The following NAALAD2 variants were observed in gnomAD, a reference collection of about 807,000 sequenced individuals.
The protein encoded by NAALAD2 is N-acetylated alpha-linked acidic dipeptidase 2, also known as N-acetylated-alpha-linked acidic dipeptidase 2.
In NAALAD2, 89 loss-of-function variants were observed where a neutral mutation model predicts 95.6. The observed-to-expected ratio is 0.93, with a 90% CI of 0.78 to 1.11. NAALAD2 has a LOEUF of 1.11. Ranked by LOEUF, NAALAD2 falls within the 50% of genes least tolerant of loss-of-function variation. The pLI, the probability that NAALAD2 is intolerant of heterozygous loss-of-function variation, is 0.00. For synonymous variants in NAALAD2, 264 were observed against 294.4 expected, an observed-to-expected ratio of 0.90 and a Z score of 1.06; for missense variants, 894 against 872.4, an observed-to-expected ratio of 1.02 and a Z score of -0.31.
chr11:90,169,193 G>T, intron 12 of NAALAD2: 1 of 456,334 alleles, frequency 2.2e-6, no homozygotes, highest in Non-Finnish European at 3.8e-6. Flanking sequence ...GGATTCATAT[G>T]AATTGATATG....
rs771280658 is a variant in NAALAD2, at chr11:90,147,403, TG to T, written c.270del (p.Trp90Ter). The T allele has an allele frequency of 6.2e-7, 1 of 1,614,048 alleles. No individual in the cohort carries two copies. The highest frequency in any genetic ancestry group is 8.5e-7 in the Non-Finnish European group (1 of 1,179,984). ...FLLAKKIQTQ[W>X]KKFGLDSAKL... ...GCTTGCCAAGAAAATCCAAACCCAG[TG>T]GAAGAAATTTGGACTAGATTCAGCC... is the stretch of plus-strand genomic sequence containing the variant. On this transcript the variant is annotated frameshift_variant, in exon 3 of 19. Transcript: ENST00000534061. LOFTEE classifies it high-confidence loss of function.
chr11:90,177,199 G>T (rs1055042464), intron 15 of NAALAD2, among the ~76,000 whole-genome samples: 2 of 151,950 alleles, frequency 1.3e-5, no homozygotes, highest in African/African-American at 2.4e-5. Context: ...TATTCATAAT[G>T]GTACCTTAAT....
rs1951708618 is a variant in NAALAD2, at chr11:90,144,744, A to AAAAAAAAAC, written c.195-2578_195-2577insCAAAAAAAA. On this transcript the variant is annotated intron_variant, in intron 2 of 18. Coordinates refer to ENST00000534061, the MANE Select transcript of NAALAD2 (RefSeq NM_005467.4). ...GCAACAAGAGCAAAACTCCATTAAA[A>AAAAAAAAAC]AAAAAAAAAAACGGAAAAGAAAGAC... Among the ~76,000 whole-genome samples, 3 of 150,562 alleles carry AAAAAAAAAC rather than the reference A, an allele frequency of 2.0e-5. 1 individual carries two copies. Among genetic ancestry groups the AAAAAAAAAC allele is most frequent in the South Asian group, 2.1e-4 (1 of 4,734 alleles).
intron 11 of NAALAD2, among the ~76,000 whole-genome samples, chr11:90,168,557 C>A (rs1162122691): frequency 6.6e-6 from 1 of 152,148 alleles, no homozygotes; most frequent in African/African-American, 2.4e-5. Flanking sequence ...CACTTTTAGC[C>A]TCACTGTGAG....
intron 18 of NAALAD2, among the ~76,000 whole-genome samples, chr11:90,186,523 G>T (rs1278881770): frequency 6.6e-6 from 1 of 151,516 alleles, no homozygotes; most frequent in Non-Finnish European, 1.5e-5. Context: ...ATGATTTATA[G>T]TCCTTTGGGT....
At chr11:90,147,600 A>T in intron 3 of NAALAD2, 84 bp downstream of exon 3, 1 of 1,244,780 alleles carries the variant, frequency 8.0e-7, no homozygotes, top group Non-Finnish European at 1.1e-6. Context: ...TAAAAGTAGA[A>T]ATTTGTTAAT....
chr11:90,172,470 TG>T (rs1338055481), intron 13 of NAALAD2, among the ~76,000 whole-genome samples: 1 of 152,132 alleles, frequency 6.6e-6, no homozygotes. Context: ...TCTAAATAAG[TG>T]GGGTGAGATT....
Position 90,162,952 on chromosome 11 carries a change from G to C in NAALAD2, c.993G>C (p.Lys331Asn). 1 of 1,489,400 alleles carries C rather than the reference G, an allele frequency of 6.7e-7. No individual in the cohort carries two copies. Among genetic ancestry groups the C allele is most frequent in the Non-Finnish European group, 9.2e-7 (1 of 1,083,340 alleles). 92.3% of individuals were successfully genotyped at this position (1,489,400 alleles called of 1,614,324 possible). Residue 331 changes from lysine to asparagine, a missense_variant, in exon 9 of 19, where the codon AAG becomes AAC. Lys to Asn is a moderately conservative substitution (Grantham distance 94, BLOSUM62 0). Coordinates refer to ENST00000534061, the MANE Select transcript of NAALAD2 (RefSeq NM_005467.4). ...TTTATTCCTTTTAAAATTCTAGGAA[G>C]GTTAGAATGCATGTTTATAACATCA... The part of the protein sequence containing the change: ...PGFTGSDSFR[K>N]VRMHVYNINK...
Position 90,159,357 on chromosome 11 carries a change from AT to A in NAALAD2, c.989+21del. The A allele has an allele frequency of 6.4e-7, 1 of 1,558,794 alleles. No homozygotes were observed. The highest frequency in any genetic ancestry group is 1.1e-5 in the South Asian group (1 of 88,732). On this transcript the variant is annotated intron_variant, in intron 8 of 18. Coordinates refer to ENST00000534061, the MANE Select transcript of NAALAD2 (RefSeq NM_005467.4). ...TTTCAGGTAATTTTGCATTACTTTA[AT>A]AGTCTGAAAAAGTTTTATATTTTTA...
At chr11:90,164,031 T>C (rs1952370716) in intron 11 of NAALAD2, 1 of 288,004 alleles carries the variant, frequency 3.5e-6, no homozygotes, top group Admixed American at 4.8e-5. Context: ...TAAGATGTTC[T>C]ATTAAGATGG....
At chr11:90,155,922 G>T (rs1952105118) in intron 6 of NAALAD2, among the ~76,000 whole-genome samples, 1 of 141,978 alleles carries the variant, frequency 7.0e-6, no homozygotes, top group African/African-American at 2.6e-5. Context: ...TAATATATAT[G>T]TAATGTATAT....
rs371361391 is a variant in NAALAD2, at chr11:90,138,637, C to T, written c.194+2967C>T. Among the ~76,000 whole-genome samples the T allele has an allele frequency of 1.8e-4, 27 of 150,898 alleles. 1 individual carries two copies. In the East Asian group the frequency reaches 4.5e-3, roughly 25 times the overall value. On this transcript the variant is annotated intron_variant, in intron 2 of 18. Coordinates refer to ENST00000534061, the MANE Select transcript of NAALAD2 (RefSeq NM_005467.4). ...GTACTGGTTTAGAAGTATTCATCTC[C>T]ATCAAATCGTCTTCTGTTAATTTTT...
chr11:90,181,456 A>G (rs1205050008), intron 16 of NAALAD2, among the ~76,000 whole-genome samples, 164 bp from the exon 17 acceptor site: 2 of 152,044 alleles, frequency 1.3e-5, no homozygotes, highest in African/African-American at 4.8e-5. Context: ...AAACAATATT[A>G]CTTTGTTATA....
chr11:90,158,888 C>T (rs1416328905), intron 7 of NAALAD2: 2 of 238,784 alleles, frequency 8.4e-6, no homozygotes, highest in Admixed American at 1.1e-4. Flanking sequence ...CATTTCTTCT[C>T]CTTAATGCAG....
chr11:90,142,167 G>A (rs1242208371), intron 2 of NAALAD2, among the ~76,000 whole-genome samples: 1 of 152,042 alleles, frequency 6.6e-6, no homozygotes, highest in Non-Finnish European at 1.5e-5. Context: ...ATGATCATAT[G>A]ATTTTTCTTT....
rs757973564 is a variant in NAALAD2 at position 90,191,579 on chromosome 11, T to C, written c.2055T>C (p.Ser685=). 6.3e-7 allele frequency: 1 copy of C among 1,592,218 alleles called. No homozygotes were observed. The highest frequency in any genetic ancestry group is 1.2e-5 in the South Asian group (1 of 85,722). ...TTAGGCACATCATATTTGCTCCAAGTAGCCACAACAAATATGCTGGAGAAT... is the reference window on the plus strand; with the variant it reads ...TTAGGCACATCATATTTGCTCCAAGCAGCCACAACAAATATGCTGGAGAAT... ...LFYRHIIFAP[S]SHNKYAGESF... The change falls in exon 19 of 19, where the codon AGT becomes AGC. Residue 685 remains serine (S), a synonymous_variant. Transcript: ENST00000534061.
chr11:90,161,374 T>A (rs1005018709), intron 8 of NAALAD2, among the ~76,000 whole-genome samples: 1 of 152,188 alleles, frequency 6.6e-6, no homozygotes. Context: ...ACAGGTAAAG[T>A]TGACCATAAT....
upstream of NAALAD2, chr11:90,132,288 A>G (rs187913429): frequency 9.1e-4 from 139 of 152,654 alleles, no homozygotes; most frequent in African/African-American, 3.1e-3. Context: ...TAAATAATGC[A>G]TTGATTTATT....
At chr11:90,176,099 A>C (rs1952781883) in intron 15 of NAALAD2, 37 bp downstream of exon 15, 48 of 1,499,692 alleles carry the variant, frequency 3.2e-5, no homozygotes, top group Non-Finnish European at 3.7e-5. Context: ...ATAACATTTC[A>C]TCTACAGTCC....
Sources: gnomAD v4.1 joint callset for allele counts (sites outside exome capture counted in the v4.1 genomes callset) on GRCh38, gnomAD v4.1.1 for gene constraint, MANE v1.5 for transcripts, NCBI Gene and HGNC (gene_info 2026-07-23, HGNC 2026-07-21) for gene names.